Variants in MAP3K7 observed in about 807,000 individuals in gnomAD.
MAP3K7 encodes mitogen-activated protein kinase kinase kinase 7.
MAP3K7 carries 21 observed loss-of-function variants against 84.8 expected under a neutral mutation model. The observed-to-expected ratio is 0.25, with a 90% confidence interval of 0.18 to 0.36. MAP3K7 has a LOEUF of 0.36. MAP3K7 is among the 10% of genes least tolerant of loss of function. The probability of loss-of-function intolerance (pLI) is 1.00; values close to 1 mark genes in which losing one functional copy is unlikely to be tolerated. For synonymous variants in MAP3K7, 241 were observed against 247.7 expected (o/e 0.97, Z 0.25); for missense variants, 503 against 747.7 (o/e 0.67, Z 3.82).
At chr6:90,578,152 A>G (rs1777148660) in intron 1 of MAP3K7, among the ~76,000 whole-genome samples, 1 of 152,254 alleles carries the variant, frequency 6.6e-6, no homozygotes, top group East Asian at 1.9e-4. Flanking sequence ...GCTTTTCTCT[A>G]CTGAGTTGAA....
chr6:90,579,507 T>A (rs1173390025), intron 1 of MAP3K7, among the ~76,000 whole-genome samples: 1 of 152,152 alleles, frequency 6.6e-6, no homozygotes, highest in Non-Finnish European at 1.5e-5. Context: ...ATCTCTCCCA[T>A]CCAGGTTTTT....
intron 7 of MAP3K7, 25 bp from the exon 8 acceptor site, chr6:90,552,204 G>A: frequency 6.3e-7 from 1 of 1,575,708 alleles, no homozygotes; most frequent in Non-Finnish European, 8.7e-7. Flanking sequence ...GAGAGGAAGG[G>A]GGGAAGAATG....
At chr6:90,542,229 TATTTA>T (rs1775874939) in intron 12 of MAP3K7, 1 of 983,166 alleles carries the variant, frequency 1.0e-6, no homozygotes, top group Admixed American at 6.2e-5. Context: ...GGTATTTTTA[TATTTA>T]ATTTAAAAAC....
At chr6:90,571,951 G>T in intron 1 of MAP3K7, 144 bp from the exon 2 acceptor site, 1 of 481,428 alleles carries the variant, frequency 2.1e-6, no homozygotes, top group Non-Finnish European at 3.6e-6. Context: ...ACAGTATCTG[G>T]ATTTGCCACT....
chr6:90,547,234 T>C (rs377030373), intron 11 of MAP3K7, 24 bp downstream of exon 11: 8 of 1,612,918 alleles, frequency 5.0e-6, no homozygotes, highest in Non-Finnish European at 5.9e-6. Context: ...ATTTTCACTC[T>C]TCAGACTTGT....
In MAP3K7 at chr6:90,516,655, T is replaced by C. The variant is rs779276833; in HGVS notation, c.1667A>G (p.Gln556Arg). The C allele has an allele frequency of 2.5e-6, 4 of 1,607,178 alleles. No individual in the cohort carries two copies. The South Asian group carries it at 3.4e-5, about 13-fold the overall frequency. ...TGTATTTTGCTGGTCCTTTTCATCC[T>C]GGTCCAGTTCTGCAACTAGTTCTTG... ...RKQELVAELD[Q>R]DEKDQQNTSR... is the part of the protein sequence containing the mutation. The change falls in exon 17 of 17, where the codon CAG becomes CGG. Residue 556 changes from glutamine to arginine, a missense_variant. Transcript: ENST00000369329.
At chr6:90,544,396 A>G (rs1347506817) in intron 12 of MAP3K7, among the ~76,000 whole-genome samples, 156 bp downstream of exon 12, 1 of 152,140 alleles carries the variant, frequency 6.6e-6, no homozygotes, top group East Asian at 1.9e-4. Context: ...ACTGCTTCAG[A>G]ATAAATGTAG....
chr6:90,520,837 C>T (rs944004833), intron 14 of MAP3K7, among the ~76,000 whole-genome samples: 2 of 152,000 alleles, frequency 1.3e-5, no homozygotes, highest in African/African-American at 4.8e-5. Flanking sequence ...CTGCTTTCCA[C>T]AAAACTAAAA....
rs34911544 is a variant in MAP3K7 at position 90,550,156 on chromosome 6, C to T, written c.949+312G>A. On this transcript the variant is annotated intron_variant, in intron 9 of 16. Coordinates refer to ENST00000369329, the MANE Select transcript of MAP3K7 (RefSeq NM_145331.3). Reference sequence around the variant, plus strand: ...ACATTTACAATAATTTCTAATACTACTTGATCTAGTAGTATGCATGTAAAA... The same window carrying T: ...ACATTTACAATAATTTCTAATACTATTTGATCTAGTAGTATGCATGTAAAA... 1.1e-3 allele frequency among the ~76,000 whole-genome samples: 170 copies of T among 152,138 alleles called. 1 individual carries two copies. The highest frequency in any genetic ancestry group is 2.1e-3 in the Non-Finnish European group (141 of 67,998).
intron 3 of MAP3K7, among the ~76,000 whole-genome samples, chr6:90,566,119 CA>C (rs1327928492): frequency 6.6e-6 from 1 of 152,150 alleles, no homozygotes; most frequent in Non-Finnish European, 1.5e-5. Flanking sequence ...CCTGAATAGA[CA>C]AAAACTGGAA....
At chr6:90,550,015 C>T (rs1246267397) in intron 9 of MAP3K7, among the ~76,000 whole-genome samples, 1 of 152,090 alleles carries the variant, frequency 6.6e-6, no homozygotes, top group Non-Finnish European at 1.5e-5. Flanking sequence ...AATTACATGT[C>T]CCACTACTAC....
chr6:90,571,905 G>T, intron 1 of MAP3K7, 98 bp from the exon 2 acceptor site: 2 of 467,814 alleles, frequency 4.3e-6, no homozygotes, highest in Non-Finnish European at 3.5e-6. Context: ...CAATCTTTAA[G>T]ACTTTAAATT....
chr6:90,546,506 A>G (rs1776005669), intron 11 of MAP3K7, among the ~76,000 whole-genome samples: 1 of 152,166 alleles, frequency 6.6e-6, no homozygotes, highest in Admixed American at 6.5e-5. Context: ...AAACGTGTTT[A>G]CTTTTAAAAT....
intron 3 of MAP3K7, among the ~76,000 whole-genome samples, chr6:90,567,929 T>C (rs572932909): frequency 2.0e-5 from 3 of 152,304 alleles, no homozygotes; most frequent in African/African-American, 7.2e-5. Flanking sequence ...TGGATGAAGC[T>C]GGAAACCATT....
intron 3 of MAP3K7, among the ~76,000 whole-genome samples, chr6:90,564,570 C>A (rs1462262775): frequency 6.6e-6 from 1 of 152,136 alleles, no homozygotes. Flanking sequence ...ATTCATAAAG[C>A]AAGTCCTTAG....
At chr6:90,568,998 C>A (rs2127983878) in intron 2 of MAP3K7, among the ~76,000 whole-genome samples, 1 of 152,290 alleles carries the variant, frequency 6.6e-6, no homozygotes, top group Middle Eastern at 3.4e-3. Flanking sequence ...GCTGCATTAT[C>A]CAAACCAGAC....
chr6:90,569,042 T>C (rs186447678), intron 2 of MAP3K7, among the ~76,000 whole-genome samples: 5 of 152,206 alleles, frequency 3.3e-5, no homozygotes, highest in Non-Finnish European at 5.9e-5. Context: ...TTCATAGCTA[T>C]AGTTGAACAG....
At chr6:90,578,089 A>G (rs1378046174) in intron 1 of MAP3K7, among the ~76,000 whole-genome samples, 1 of 152,260 alleles carries the variant, frequency 6.6e-6, no homozygotes, top group Non-Finnish European at 1.5e-5. Flanking sequence ...ACAAAGATAC[A>G]TAAAAGAGGT....
intron 12 of MAP3K7, among the ~76,000 whole-genome samples, chr6:90,544,217 T>G (rs1252874530): frequency 6.6e-6 from 1 of 152,092 alleles, no homozygotes; most frequent in African/African-American, 2.4e-5. Context: ...AATTAGTTGT[T>G]TCCTCTTTCT....
Sources: allele counts gnomAD v4.1 joint callset (sites outside exome capture counted in the v4.1 genomes callset), GRCh38; gene constraint gnomAD v4.1.1; transcripts MANE v1.5; gene names NCBI Gene and HGNC (gene_info 2026-07-23, HGNC 2026-07-21).